The following MYBL2 variants were observed in gnomAD, a reference collection of about 807,000 sequenced individuals.
MYBL2 encodes myb-related protein B.
A neutral mutation model predicts 79.9 loss-of-function variants in MYBL2; 28 were observed. The observed-to-expected ratio is 0.35, with a 90% CI of 0.26 to 0.48. The LOEUF is 0.48. MYBL2 is among the 20% of genes least tolerant of loss of function. MYBL2 has a pLI of 0.99. For synonymous variants in MYBL2, 378 were observed against 361.2 expected (o/e 1.05, Z -0.53); for missense variants, 735 against 893.9 (o/e 0.82, Z 2.27).
rs774852019 is a variant in MYBL2 at position 43,700,044 on chromosome 20, G to A, written c.951G>A (p.Ser317=). The A allele has an allele frequency of 3.1e-6, 5 of 1,612,786 alleles. No individual in the cohort carries two copies. The highest frequency in any genetic ancestry group is 3.4e-6 in the Non-Finnish European group (4 of 1,179,636). Reference sequence around the variant, plus strand: ...CTGAAGCCCTGGACTTGATCGAGTCGGTATGTTGGTCACAACACTTCACAG... The same window carrying A: ...CTGAAGCCCTGGACTTGATCGAGTCAGTATGTTGGTCACAACACTTCACAG... ...SLSEALDLIE[S]DPDAWCDLSK... Residue 317 remains serine, a splice_region_variant and synonymous_variant, in exon 7 of 14, where the codon TCG becomes TCA. Transcript: ENST00000217026.
intron 2 of MYBL2, among the ~76,000 whole-genome samples, chr20:43,678,869 AAAAAAG>A (rs1474363501): frequency 8.6e-5 from 12 of 138,850 alleles, no homozygotes; most frequent in African/African-American, 2.6e-4. Context: ...AAAAAAAAAA[AAAAAAG>A]AAAAAAACAT....
At chr20:43,705,455 A>T in intron 9 of MYBL2, 97 bp downstream of exon 9, 1 of 1,380,264 alleles carries the variant, frequency 7.2e-7, no homozygotes. Context: ...GGGAGGGGGC[A>T]CCCTTGGAAT....
intron 1 of MYBL2, 145 bp from the exon 2 acceptor site, chr20:43,673,661 T>A: frequency 1.3e-6 from 1 of 769,644 alleles, no homozygotes; most frequent in Non-Finnish European, 2.4e-6. Context: ...GAAGCAGAAG[T>A]GCCTATGTCT....
In MYBL2 at chr20:43,715,961, G is replaced by A. The variant is rs754542069; in HGVS notation, c.1977G>A (p.Met659Ile). 3 of 1,610,542 alleles carry A rather than the reference G, an allele frequency of 1.9e-6. No individual in the cohort carries two copies. Among genetic ancestry groups the A allele is most frequent in the Non-Finnish European group, 2.5e-6 (3 of 1,179,170 alleles). ...GTAACCCTCTTGCCTCCTCCCAGAT[G>A]TCCAGTGCCTGGAAGACGGTGGCCT... ...PRSHFTTPAPMSSAWKTVACG... is the reference protein window; with the variant it reads ...PRSHFTTPAPISSAWKTVACG... Residue 659 changes from methionine to isoleucine, a missense_variant and splice_region_variant, in exon 14 of 14, where the codon ATG becomes ATA. Physicochemically the swap from Met to Ile is conservative, Grantham distance 10 (BLOSUM62 1). Around this residue, in one of 5 missense-constraint regions of MYBL2, gnomAD observed 204 missense variants for 202.9 expected, o/e 1.01. Coordinates refer to ENST00000217026, the MANE Select transcript of MYBL2 (RefSeq NM_002466.4).
intron 1 of MYBL2, among the ~76,000 whole-genome samples, chr20:43,667,797 A>G (rs572123894): frequency 6.6e-6 from 1 of 152,232 alleles, no homozygotes; most frequent in African/African-American, 2.4e-5. Flanking sequence ...CGGGGAGCAC[A>G]GAGTCCCCCA....
chr20:43,705,380 A>G (rs1264281867), intron 9 of MYBL2, 22 bp downstream of exon 9: 3 of 1,580,388 alleles, frequency 1.9e-6, no homozygotes, highest in Admixed American at 1.8e-5. Flanking sequence ...AGTGCCCCCA[A>G]CCTTCGCCGT....
At chr20:43,714,497 GC>G (rs200799159) in intron 12 of MYBL2, among the ~76,000 whole-genome samples, 1,771 of 152,198 alleles carry the variant, frequency 0.012, 13 homozygotes, top group Non-Finnish European at 0.018. Context: ...GGGCTGATGT[GC>G]CCCCACGTAC....
In MYBL2 at chr20:43,715,207, A is replaced by G. The variant is rs756898575; in HGVS notation, c.1898A>G (p.Gln633Arg). Residue 633 changes from glutamine (Q) to arginine (R), a missense_variant, in exon 13 of 14, where the codon CAG becomes CGG. Physicochemically the swap from Gln to Arg is conservative, Grantham distance 43. This residue lies in a region of MYBL2 where 204 missense variants were observed against 202.9 expected (regional missense o/e 1.01). Transcript: ENST00000217026. Reference sequence around the variant, plus strand: ...AAAGAAGACAACAGCTTGCTCAACCAGGGCTTCTTGCAGGCCAAGCCCGAG... The same window carrying G: ...AAAGAAGACAACAGCTTGCTCAACCGGGGCTTCTTGCAGGCCAAGCCCGAG... ...GIKEDNSLLN[Q>R]GFLQAKPEKA... 1 of 1,614,236 alleles carries G rather than the reference A, an allele frequency of 6.2e-7. No individual in the cohort carries two copies. Among genetic ancestry groups the G allele is most frequent in the Non-Finnish European group, 8.5e-7 (1 of 1,180,048 alleles).
intron 6 of MYBL2, among the ~76,000 whole-genome samples, chr20:43,694,224 C>A (rs772838487): frequency 2.0e-5 from 3 of 150,788 alleles, no homozygotes; most frequent in Non-Finnish European, 3.0e-5. Context: ...CCCAGCTACC[C>A]AGGAGGCTGA....
chr20:43,676,342 C>T lies in MYBL2; in HGVS notation c.114+2443C>T, dbSNP rs1202510738. Among the ~76,000 whole-genome samples, 3 of 145,772 alleles carry T rather than the reference C, an allele frequency of 2.1e-5. No homozygotes were observed. The Admixed American group carries it at 2.1e-4, about 10-fold the overall frequency. ...GTGTCCATGTGTATTCAGTGTTTGG[C>T]TCTTACTTATAGATGAGAATATGCG... On this transcript the variant is annotated intron_variant, in intron 2 of 13. Coordinates refer to ENST00000217026, the MANE Select transcript of MYBL2 (RefSeq NM_002466.4).
intron 4 of MYBL2, among the ~76,000 whole-genome samples, chr20:43,684,872 C>G (rs1370484410): frequency 6.7e-6 from 1 of 150,206 alleles, no homozygotes; most frequent in Non-Finnish European, 1.5e-5. Flanking sequence ...AACACCTGGG[C>G]GTGGTGGCTC....
chr20:43,682,159 C>T (rs567758372), intron 3 of MYBL2, among the ~76,000 whole-genome samples: 1 of 152,160 alleles, frequency 6.6e-6, no homozygotes, highest in African/African-American at 2.4e-5. Flanking sequence ...AACAGGTGTT[C>T]GGTTTCTCAA....
At chr20:43,690,192 G>GTT (rs59061107) in intron 5 of MYBL2, among the ~76,000 whole-genome samples, 4 of 142,762 alleles carry the variant, frequency 2.8e-5, no homozygotes, top group Non-Finnish European at 3.1e-5. Context: ...GCTGTTTTTT[G>GTT]TTTTTTTTTT....
chr20:43,699,082 A>G (rs933745915), intron 6 of MYBL2, among the ~76,000 whole-genome samples: 5 of 152,124 alleles, frequency 3.3e-5, no homozygotes, highest in African/African-American at 1.2e-4. Flanking sequence ...CTTGTTACCT[A>G]GGCTGTAGTG....
At position 43,690,325 on chromosome 20, in the gene MYBL2, C is replaced by G. The variant is rs150864659; in HGVS notation, c.501-1832C>G. ...GGTTCAAGCGATTCTCCTGCCTCAG[C>G]CTCCTGAGTAGCTGGGATTACAGGT... On this transcript the variant is annotated intron_variant, in intron 5 of 13. Coordinates refer to ENST00000217026, the MANE Select transcript of MYBL2 (RefSeq NM_002466.4). 6.8e-3 allele frequency among the ~76,000 whole-genome samples: 1,028 copies of G among 152,182 alleles called. 14 individuals carry two copies. Among genetic ancestry groups the G allele is most frequent in the African/African-American group, 0.023 (952 of 41,522 alleles).
intron 1 of MYBL2, among the ~76,000 whole-genome samples, chr20:43,671,242 G>A (rs1052463796): frequency 6.6e-6 from 1 of 151,992 alleles, no homozygotes; most frequent in Non-Finnish European, 1.5e-5. Context: ...TGCAACCTCC[G>A]CCTCCTGGGT....
chr20:43,687,168 G>A, intron 5 of MYBL2, 96 bp downstream of exon 5: 1 of 1,298,346 alleles, frequency 7.7e-7, no homozygotes, highest in Non-Finnish European at 1.1e-6. Flanking sequence ...GTGGTCCTGT[G>A]CTCTTGTTCT....
chr20:43,681,043 C>G (rs878926445), intron 2 of MYBL2, among the ~76,000 whole-genome samples: 2 of 152,158 alleles, frequency 1.3e-5, no homozygotes, highest in Admixed American at 1.3e-4. Context: ...AATCATACGG[C>G]ATGTACCCTC....
intron 9 of MYBL2, 69 bp from the exon 10 acceptor site, chr20:43,709,894 C>A: frequency 7.7e-7 from 1 of 1,300,716 alleles, no homozygotes; most frequent in Non-Finnish European, 1.1e-6. Flanking sequence ...GAAGGTGGAG[C>A]CAGGGCAGCA....
Sources: allele counts gnomAD v4.1 joint callset (sites outside exome capture counted in the v4.1 genomes callset), GRCh38; gene constraint gnomAD v4.1.1; regional missense constraint gnomAD v4.1.1; transcripts MANE v1.5; gene names NCBI Gene and HGNC (gene_info 2026-07-23, HGNC 2026-07-21).